The following MMD variants were observed in gnomAD, a reference collection of about 807,000 sequenced individuals.
MMD encodes monocyte to macrophage differentiation associated, also known as monocyte to macrophage differentiation factor.
MMD carries 22 observed loss-of-function variants against 33.6 expected under a neutral mutation model. That is an observed-to-expected ratio of 0.66 (90% CI 0.47 to 0.94). The LOEUF is 0.94. Ranked by LOEUF, MMD falls within the 40% of genes least tolerant of loss-of-function variation. The probability of loss-of-function intolerance (pLI) is 0.00; values close to 1 mark genes in which losing one functional copy is unlikely to be tolerated. For missense variants in MMD, 242 were observed against 309.8 expected (o/e 0.78, Z 1.64); for synonymous variants, 97 against 103.2 (o/e 0.94, Z 0.36).
intron 2 of MMD, among the ~76,000 whole-genome samples, chr17:55,412,760 G>A (rs1333944821): frequency 6.6e-6 from 1 of 152,188 alleles, no homozygotes; most frequent in African/African-American, 2.4e-5. Flanking sequence ...AATGGCCACT[G>A]TAGGGGTGAG....
At chr17:55,410,137 A>G (rs1372695503) in intron 3 of MMD, among the ~76,000 whole-genome samples, 1 of 152,216 alleles carries the variant, frequency 6.6e-6, no homozygotes, top group East Asian at 1.9e-4. Context: ...TGACTCAGAC[A>G]AGTCAGGCCA....
At chr17:55,411,942 T>G (rs1907782140) in intron 2 of MMD, among the ~76,000 whole-genome samples, 1 of 152,032 alleles carries the variant, frequency 6.6e-6, no homozygotes, top group Admixed American at 6.6e-5. Context: ...CCAGGCATGG[T>G]GGCAAACACC....
At chr17:55,417,516 C>T (rs1282077736) in intron 1 of MMD, among the ~76,000 whole-genome samples, 1 of 152,112 alleles carries the variant, frequency 6.6e-6, no homozygotes, top group Admixed American at 6.6e-5. Flanking sequence ...AGGGGCTGGG[C>T]ATGGTGGCTC....
chr17:55,415,830 G>T (rs569242015), intron 1 of MMD, among the ~76,000 whole-genome samples: 1 of 152,140 alleles, frequency 6.6e-6, no homozygotes, highest in Non-Finnish European at 1.5e-5. Flanking sequence ...AAAACCAACT[G>T]TTAAAGAGAA....
At chr17:55,413,585 TA>T (rs1309368700) in intron 2 of MMD, among the ~76,000 whole-genome samples, 3 of 152,154 alleles carry the variant, frequency 2.0e-5, no homozygotes, top group Non-Finnish European at 4.4e-5. Context: ...TTTCTTATAA[TA>T]AGCATGTTTT....
At position 55,394,362 on chromosome 17, in the gene MMD, C is replaced by G. The variant is rs1467381972; in HGVS notation, c.689G>C (p.Ser230Thr). Reference protein sequence around the residue: ...YYAIWKYLYRSPTDFMRHL With the variant: ...YYAIWKYLYRTPTDFMRHL ...TAAATGCCGCATAAAGTCCGTAGGA[C>G]TTCGGTAAAGGTATTTCCAAATGGC... The change falls in exon 7 of 7, where the codon AGT becomes ACT. Residue 230 changes from serine to threonine, a missense_variant. By Grantham distance (58) the Ser-to-Thr change is moderately conservative. Coordinates refer to ENST00000262065, the MANE Select transcript of MMD (RefSeq NM_012329.3). The G allele has an allele frequency of 1.4e-6, 2 of 1,406,942 alleles. No homozygotes were observed. The highest frequency in any genetic ancestry group is 1.9e-6 in the Non-Finnish European group (2 of 1,075,902). The allele number at this position is 1,406,942 out of a possible 1,614,324, so 87.2% of individuals were successfully genotyped here. A position where few individuals can be genotyped will look rare whatever the true frequency, so the allele number is the denominator to read the frequency against.
intron 6 of MMD, among the ~76,000 whole-genome samples, chr17:55,395,061 C>T (rs1377021208): frequency 6.6e-6 from 1 of 152,208 alleles, no homozygotes; most frequent in Non-Finnish European, 1.5e-5. Flanking sequence ...ACAGGAAAAC[C>T]GTAACTAGAA....
intron 6 of MMD, among the ~76,000 whole-genome samples, chr17:55,398,387 G>A (rs565977952): frequency 6.6e-6 from 1 of 151,612 alleles, no homozygotes; most frequent in African/African-American, 2.4e-5. Context: ...TAGTCTCCAG[G>A]TATTTTCTGA....
In MMD at chr17:55,403,844, G is replaced by T. The variant is rs752950028; in HGVS notation, c.369C>A (p.Pro123=). The T allele has an allele frequency of 6.2e-7, 1 of 1,613,326 alleles. No homozygotes were observed. The highest frequency in any genetic ancestry group is 8.5e-7 in the Non-Finnish European group (1 of 1,179,590). The change falls in exon 5 of 7, where the codon CCC becomes CCA. Residue 123 remains proline, a synonymous_variant. Coordinates refer to ENST00000262065, the MANE Select transcript of MMD (RefSeq NM_012329.3). ...TAAACCAACGCATATGAGATGCCAG[G>T]GGTCCAAGTTCACGAAGATTTAACC... ...APWLNLRELG[P]LASHMRWFIW... is the part of the protein sequence containing the mutation.
At chr17:55,396,207 A>T (rs143990998) in intron 6 of MMD, among the ~76,000 whole-genome samples, 6 of 152,098 alleles carry the variant, frequency 3.9e-5, no homozygotes, top group Admixed American at 1.3e-4. Flanking sequence ...TTTTTTCATT[A>T]TCATTATCAT....
chr17:55,409,509 T>C (rs900065561), intron 3 of MMD, among the ~76,000 whole-genome samples: 2 of 152,228 alleles, frequency 1.3e-5, no homozygotes, highest in African/African-American at 4.8e-5. Flanking sequence ...ATCTTTCTCA[T>C]GGAGTATGTG....
intron 4 of MMD, among the ~76,000 whole-genome samples, chr17:55,407,331 TAA>T (rs1026250024): frequency 1.3e-5 from 2 of 150,918 alleles, no homozygotes; most frequent in African/African-American, 4.8e-5. Context: ...AATAAATAAA[TAA>T]ATAAATAAAT....
At chr17:55,399,765 T>C (rs1191356781) in intron 6 of MMD, among the ~76,000 whole-genome samples, 1 of 152,230 alleles carries the variant, frequency 6.6e-6, no homozygotes, top group Non-Finnish European at 1.5e-5. Context: ...TGCATTTGCC[T>C]GCTTGACTCT....
intron 1 of MMD, among the ~76,000 whole-genome samples, chr17:55,415,276 TA>T (rs202102909): frequency 0.057 from 7,912 of 139,002 alleles, 288 homozygotes; most frequent in East Asian, 0.21. Flanking sequence ...CAGACGGACG[TA>T]AAAAAAAAAA....
intron 5 of MMD, among the ~76,000 whole-genome samples, 199 bp from the exon 6 acceptor site, chr17:55,401,737 C>T (rs76136199): frequency 0.018 from 2,689 of 152,266 alleles, 75 homozygotes; most frequent in African/African-American, 0.061. Flanking sequence ...TAGCATTTCT[C>T]TCAGGGTTGA....
intron 3 of MMD, among the ~76,000 whole-genome samples, chr17:55,409,096 A>G (rs1274329131): frequency 2.0e-5 from 3 of 152,250 alleles, no homozygotes; most frequent in Non-Finnish European, 4.4e-5. Flanking sequence ...TGAAAAATAC[A>G]TTTGTGAGAA....
At chr17:55,401,341 T>G in intron 6 of MMD, 128 bp downstream of exon 6, 1 of 773,020 alleles carries the variant, frequency 1.3e-6, no homozygotes, top group Non-Finnish European at 2.0e-6. Context: ...ATTTATAAGT[T>G]CTTTTTCTTT....
chr17:55,413,610 A>C (rs1907849169), intron 2 of MMD, among the ~76,000 whole-genome samples: 1 of 152,246 alleles, frequency 6.6e-6, no homozygotes, highest in Non-Finnish European at 1.5e-5. Flanking sequence ...TTTACAAAGC[A>C]GAAAAAAATT....
chr17:55,410,051 A>G (rs995012309), intron 3 of MMD, among the ~76,000 whole-genome samples: 1 of 152,192 alleles, frequency 6.6e-6, no homozygotes, highest in East Asian at 1.9e-4. Flanking sequence ...TATATGCAAT[A>G]TTGTAAAAGA....
Sources: gnomAD v4.1 joint callset for allele counts (sites outside exome capture counted in the v4.1 genomes callset) on GRCh38, gnomAD v4.1.1 for gene constraint, MANE v1.5 for transcripts, NCBI Gene and HGNC (gene_info 2026-07-23, HGNC 2026-07-21) for gene names.